UBR2: variants seen among roughly 807,000 people sequenced by gnomAD.
UBR2 encodes the protein ubiquitin protein ligase E3 component n-recognin 2, also known as E3 ubiquitin-protein ligase UBR2.
UBR2 carries 92 observed loss-of-function variants against 247.9 expected under a neutral mutation model. That is an observed-to-expected ratio of 0.37 (90% CI 0.31 to 0.44). UBR2 has a LOEUF of 0.44. Ranked by LOEUF, UBR2 falls within the 20% of genes least tolerant of loss-of-function variation. UBR2 has a pLI of 1.00. For synonymous variants in UBR2, 672 were observed against 693.5 expected (o/e 0.97, Z 0.49); for missense variants, 1,613 against 2,112.6 (o/e 0.76, Z 4.64).
chr6:42,624,337 T>TG (rs35921876), intron 11 of UBR2, among the ~76,000 whole-genome samples: 37,094 of 145,748 alleles, frequency 0.25, 5,051 homozygotes, highest in East Asian at 0.46. Context: ...GTTGAGTTGG[T>TG]GGGGGGGGTG....
At chr6:42,623,148 G>A (rs1205081102) in intron 11 of UBR2, among the ~76,000 whole-genome samples, 1 of 152,110 alleles carries the variant, frequency 6.6e-6, no homozygotes, top group Non-Finnish European at 1.5e-5. Context: ...AGAAATCTTT[G>A]TCTCATATCT....
chr6:42,670,601 AATTAT>A, intron 35 of UBR2, 54 bp from the exon 36 acceptor site: 1 of 1,263,562 alleles, frequency 7.9e-7, no homozygotes, highest in African/African-American at 1.6e-5. Context: ...TTTTTAAGAA[AATTAT>A]ATTAAAATAT....
At chr6:42,590,688 A>G (rs1004620491) in intron 2 of UBR2, among the ~76,000 whole-genome samples, 3 of 152,252 alleles carry the variant, frequency 2.0e-5, no homozygotes, top group Non-Finnish European at 4.4e-5. Context: ...GCCTTGGCAT[A>G]TATCAAGTGA....
At chr6:42,644,808 G>T (rs939998666) in intron 20 of UBR2, among the ~76,000 whole-genome samples, 1 of 152,134 alleles carries the variant, frequency 6.6e-6, no homozygotes, top group Non-Finnish European at 1.5e-5. Context: ...GGGGAGCGGG[G>T]GACAGGAGAA....
In UBR2 at chr6:42,606,628, G is replaced by A; in HGVS notation, c.841G>A (p.Glu281Lys). The A allele has an allele frequency of 6.2e-7, 1 of 1,607,880 alleles. No individual in the cohort carries two copies. Among genetic ancestry groups the A allele is most frequent in the Non-Finnish European group, 8.5e-7 (1 of 1,177,872 alleles). Residue 281 changes from glutamate (E) to lysine (K), a missense_variant, in exon 7 of 47, where the codon GAG becomes AAG. This residue lies in a region of UBR2 where 1,524 missense variants were observed against 1,967.3 expected (regional missense o/e 0.77). Coordinates refer to ENST00000372901, the MANE Select transcript of UBR2 (RefSeq NM_001363705.2). Reference sequence around the variant, plus strand: ...TCGATATGGAGATTTTCAGTATTGTGAGCAAGCAAAATCAGTAATTGTGGT... The same window carrying A: ...TCGATATGGAGATTTTCAGTATTGTAAGCAAGCAAAATCAGTAATTGTGGT... Reference protein sequence around the residue: ...SVRYGDFQYCEQAKSVIVRNT... With the variant: ...SVRYGDFQYCKQAKSVIVRNT...
At chr6:42,593,431 ATACT>A (rs776333906) in intron 3 of UBR2, among the ~76,000 whole-genome samples, 2 of 152,204 alleles carry the variant, frequency 1.3e-5, no homozygotes, top group African/African-American at 2.4e-5. Flanking sequence ...TATAACACAA[ATACT>A]TACTTTGGGC....
At chr6:42,671,768 T>C (rs1798455705) in intron 36 of UBR2, among the ~76,000 whole-genome samples, 1 of 152,118 alleles carries the variant, frequency 6.6e-6, no homozygotes, top group African/African-American at 2.4e-5. Context: ...CATCCTGCAG[T>C]TGTCATTTTT....
chr6:42,651,341 T>C (rs1797098210), intron 23 of UBR2, among the ~76,000 whole-genome samples: 1 of 152,006 alleles, frequency 6.6e-6, no homozygotes, highest in African/African-American at 2.4e-5. Context: ...AGTCATAGAG[T>C]TCAAACTTAA....
At chr6:42,617,695 G>C (rs1274444706) in intron 11 of UBR2, among the ~76,000 whole-genome samples, 188 bp downstream of exon 11, 1 of 152,162 alleles carries the variant, frequency 6.6e-6, no homozygotes, top group Non-Finnish European at 1.5e-5. Context: ...TGGTAGGGGG[G>C]AAGTCATTTA....
intron 2 of UBR2, among the ~76,000 whole-genome samples, chr6:42,591,678 T>C (rs1242421517): frequency 1.3e-5 from 2 of 152,218 alleles, no homozygotes; most frequent in Admixed American, 1.3e-4. Flanking sequence ...GTTCAAATAT[T>C]GTCTTCTTGC....
chr6:42,670,562 C>A, intron 35 of UBR2, 98 bp from the exon 36 acceptor site: 1 of 840,372 alleles, frequency 1.2e-6, no homozygotes, highest in East Asian at 2.8e-5. Flanking sequence ...CAATATTGTA[C>A]TTTCTGTAGG....
In UBR2 at chr6:42,594,253, T is replaced by C; in HGVS notation, c.480T>C (p.Gly160=). The C allele has an allele frequency of 6.2e-7, 1 of 1,612,834 alleles. No homozygotes were observed. Among genetic ancestry groups the C allele is most frequent in the Non-Finnish European group, 8.5e-7 (1 of 1,179,186 alleles). Residue 160 remains glycine (G), a synonymous_variant, in exon 4 of 47, where the codon GGT becomes GGC. Transcript: ENST00000372901. The part of the protein sequence containing the change: ...DCGDTEAWKE[G]PYCQKHELNT... ...GTGATACTGAAGCCTGGAAAGAGGG[T>C]CCTTACTGTCAAAAACATGAACTTA...
chr6:42,594,600 G>T (rs1002079053), intron 4 of UBR2, among the ~76,000 whole-genome samples: 2 of 152,154 alleles, frequency 1.3e-5, no homozygotes, highest in African/African-American at 4.8e-5. Context: ...TTTCCCATAT[G>T]TGTAGACCAG....
At chr6:42,612,433 A>G in intron 8 of UBR2, 142 bp downstream of exon 8, 1 of 1,077,976 alleles carries the variant, frequency 9.3e-7, no homozygotes, top group East Asian at 2.6e-5. Flanking sequence ...AAATATCTTT[A>G]TGCATAGAAG....
chr6:42,684,975 A>G, intron 44 of UBR2, 104 bp downstream of exon 44: 1 of 950,174 alleles, frequency 1.1e-6, no homozygotes, highest in Non-Finnish European at 1.6e-6. Flanking sequence ...TAGAGAAATC[A>G]TATCTGTAGT....
chr6:42,580,014 A>G (rs1331880793), intron 2 of UBR2, among the ~76,000 whole-genome samples: 4 of 149,310 alleles, frequency 2.7e-5, no homozygotes, highest in Non-Finnish European at 5.9e-5. Context: ...GATTGACCTA[A>G]TAATGAAATT....
intron 38 of UBR2, among the ~76,000 whole-genome samples, chr6:42,674,743 A>C (rs113241447): frequency 0.02 from 3,022 of 151,938 alleles, 91 homozygotes; most frequent in African/African-American, 0.07. Flanking sequence ...CCTGGATGAC[A>C]GAGCAAGACC....
At chr6:42,676,231 TTGAGTTTTC>T in intron 39 of UBR2, 40 bp downstream of exon 39, 1 of 1,521,122 alleles carries the variant, frequency 6.6e-7, no homozygotes, top group Non-Finnish European at 8.8e-7. Context: ...AAGGAAATAC[TTGAGTTTTC>T]TGAGTTTTAA....
chr6:42,607,712 G>GCT (rs1554247987), intron 7 of UBR2, among the ~76,000 whole-genome samples: 2 of 50,806 alleles, frequency 3.9e-5, no homozygotes, highest in Admixed American at 1.8e-4. Flanking sequence ...ACTCCCAGCT[G>GCT]TTTTTTTTTT....
Sources: gnomAD v4.1 joint callset for allele counts (sites outside exome capture counted in the v4.1 genomes callset) on GRCh38, gnomAD v4.1.1 for gene constraint, gnomAD v4.1.1 regional missense constraint, MANE v1.5 for transcripts, NCBI Gene and HGNC (gene_info 2026-07-23, HGNC 2026-07-21) for gene names.